The following NEO1 variants were observed in gnomAD, a reference collection of about 807,000 sequenced individuals.
NEO1 encodes neogenin.
A neutral mutation model predicts 159.7 loss-of-function variants in NEO1; 63 were observed. The ratio of observed to expected loss-of-function variants is 0.39; its 90% confidence interval spans 0.32 to 0.49. The LOEUF (loss-of-function observed/expected upper bound fraction) is 0.49, where lower values mean the gene tolerates loss of function less well. Ranked by LOEUF, NEO1 falls within the 20% of genes least tolerant of loss-of-function variation. The probability of loss-of-function intolerance (pLI) is 0.85; values close to 1 mark genes in which losing one functional copy is unlikely to be tolerated. For synonymous variants in NEO1, 633 were observed against 662.0 expected (o/e 0.96, Z 0.67); for missense variants, 1,615 against 1,831.0 (o/e 0.88, Z 2.15).
At chr15:73,195,784 AT>A (rs2036503451) in intron 7 of NEO1, among the ~76,000 whole-genome samples, 3 of 152,086 alleles carry the variant, frequency 2.0e-5, no homozygotes, top group Admixed American at 2.0e-4. Context: ...GTTCCTCTTC[AT>A]TTTACACTCT....
chr15:73,272,540 C>T lies in NEO1; in HGVS notation c.2943C>T (p.Ser981=), dbSNP rs1131854. ...KTIIVNWQPP[S]EANGKITGYI... is the part of the protein sequence containing the mutation. ...TAATTGTGAATTGGCAGCCTCCCTCCGAAGCCAATGGCAAAATTACAGGTA... is the reference window on the plus strand; with the variant it reads ...TAATTGTGAATTGGCAGCCTCCCTCTGAAGCCAATGGCAAAATTACAGGTA... The change falls in exon 19 of 29, where the codon TCC becomes TCT. Residue 981 remains serine, a synonymous_variant. Coordinates refer to ENST00000261908, the MANE Select transcript of NEO1 (RefSeq NM_002499.4). 805,085 of 1,610,558 alleles carry T rather than the reference C, an allele frequency of 0.5. 207,507 individuals carry two copies. Among genetic ancestry groups the T allele is most frequent in the Admixed American group, 0.55 (33,022 of 59,908 alleles).
At position 73,116,897 on chromosome 15, in the gene NEO1, T is replaced by A. The variant is rs762539816; in HGVS notation, c.448+40T>A. 4 of 1,431,136 alleles carry A rather than the reference T, an allele frequency of 2.8e-6. No individual in the cohort carries two copies. In the African/African-American group the frequency reaches 4.3e-5, roughly 15 times the overall value. The allele number at this position is 1,431,136 out of a possible 1,614,324, so 88.7% of individuals were successfully genotyped here. A position where few individuals can be genotyped will look rare whatever the true frequency, so the allele number is the denominator to read the frequency against. On this transcript the variant is annotated intron_variant, in intron 2 of 28. Transcript: ENST00000261908. ...ATTTTTTTTTTTGCATTTTCAAATATTTATAACATACATCTTGATAAAAGC... is the reference window on the plus strand; with the variant it reads ...ATTTTTTTTTTTGCATTTTCAAATAATTATAACATACATCTTGATAAAAGC...
intron 1 of NEO1, among the ~76,000 whole-genome samples, chr15:73,108,243 A>G (rs189375350): frequency 7.9e-5 from 12 of 152,320 alleles, no homozygotes. Flanking sequence ...TTTCCAAGTA[A>G]CTGGTTAGAA....
intron 1 of NEO1, among the ~76,000 whole-genome samples, chr15:73,054,808 A>G (rs1045995261): frequency 6.6e-5 from 10 of 152,218 alleles, no homozygotes; most frequent in Non-Finnish European, 1.5e-4. Flanking sequence ...TGCGGAAGAG[A>G]TCAAGAGACT....
Position 73,302,852 on chromosome 15 carries a change from G to C in NEO1, c.*156G>C. 1 of 634,426 alleles carries C rather than the reference G, an allele frequency of 1.6e-6. No individual in the cohort carries two copies. The highest frequency in any genetic ancestry group is 2.7e-6 in the Non-Finnish European group (1 of 366,990). The allele number at this position is 634,426 out of a possible 1,614,324, so 39.3% of individuals were successfully genotyped here. On this transcript the variant is annotated 3_prime_UTR_variant, in exon 29 of 29. Transcript: ENST00000261908. ...CGCCTCTGTGTAGGGCTGGCTCCAG[G>C]CATGGCCACCTGCCTTCCCCTGGTC...
intron 12 of NEO1, among the ~76,000 whole-genome samples, chr15:73,254,065 C>A (rs1381538367): frequency 6.6e-6 from 1 of 152,196 alleles, no homozygotes; most frequent in African/African-American, 2.4e-5. Context: ...GTGGCTCACG[C>A]CTGTAGTCCC....
chr15:73,134,581 T>A (rs931992444), intron 4 of NEO1, among the ~76,000 whole-genome samples: 14 of 152,106 alleles, frequency 9.2e-5, no homozygotes, highest in African/African-American at 3.1e-4. Context: ...GATGGAGTCT[T>A]GCTCTGTTGC....
At chr15:73,214,139 T>A (rs1262102271) in intron 7 of NEO1, among the ~76,000 whole-genome samples, 1 of 152,198 alleles carries the variant, frequency 6.6e-6, no homozygotes, top group Non-Finnish European at 1.5e-5. Flanking sequence ...TTGTTTAAAT[T>A]TTTTGTCGAT....
chr15:73,122,435 C>A, intron 2 of NEO1, 90 bp from the exon 3 acceptor site: 1 of 1,217,482 alleles, frequency 8.2e-7, no homozygotes, highest in Non-Finnish European at 1.1e-6. Flanking sequence ...ATGTTGTAGC[C>A]ATGTGAGCTG....
intron 5 of NEO1, among the ~76,000 whole-genome samples, chr15:73,148,263 T>G (rs554766430): frequency 5.3e-5 from 8 of 152,296 alleles, no homozygotes; most frequent in Non-Finnish European, 1.0e-4. Context: ...TCAGTAAGCT[T>G]CTTGTATTAA....
chr15:73,278,746 G>A (rs2041534925), intron 22 of NEO1, among the ~76,000 whole-genome samples: 1 of 152,164 alleles, frequency 6.6e-6, no homozygotes, highest in Non-Finnish European at 1.5e-5. Context: ...GGTGAAGCAG[G>A]GAGAACAGAT....
At chr15:73,099,565 T>C (rs1241652116) in intron 1 of NEO1, among the ~76,000 whole-genome samples, 1 of 152,242 alleles carries the variant, frequency 6.6e-6, no homozygotes, top group Non-Finnish European at 1.5e-5. Flanking sequence ...CCTTTGCTTA[T>C]GTTTAAATTG....
chr15:73,054,439 C>G (rs1014540746), intron 1 of NEO1, among the ~76,000 whole-genome samples: 2 of 152,196 alleles, frequency 1.3e-5, no homozygotes, highest in Non-Finnish European at 2.9e-5. Flanking sequence ...GGCATATGCT[C>G]TCTGCCTTCA....
intron 1 of NEO1, among the ~76,000 whole-genome samples, chr15:73,102,738 C>T (rs567335163): frequency 1.3e-5 from 2 of 152,216 alleles, no homozygotes; most frequent in South Asian, 4.2e-4. Context: ...AGAATTTGGT[C>T]CCCAGCTTTC....
chr15:73,247,288 C>G (rs547969899), intron 9 of NEO1, among the ~76,000 whole-genome samples: 1 of 152,134 alleles, frequency 6.6e-6, no homozygotes, highest in Non-Finnish European at 1.5e-5. Flanking sequence ...TTTCACAAAC[C>G]AACTTAACAT....
intron 5 of NEO1, among the ~76,000 whole-genome samples, chr15:73,154,803 T>G (rs897500906): frequency 6.6e-6 from 1 of 152,222 alleles, no homozygotes; most frequent in Non-Finnish European, 1.5e-5. Context: ...ATTCCACCAA[T>G]CTATATCTTT....
At chr15:73,135,433 T>C (rs540245388) in intron 4 of NEO1, among the ~76,000 whole-genome samples, 8 of 152,330 alleles carry the variant, frequency 5.3e-5, no homozygotes, top group Middle Eastern at 3.4e-3. Context: ...CCCCATGACT[T>C]ACTGTTTCGG....
chr15:73,200,759 C>T (rs1043972573), intron 7 of NEO1, among the ~76,000 whole-genome samples: 10 of 147,354 alleles, frequency 6.8e-5, no homozygotes, highest in African/African-American at 2.2e-4. Context: ...TCGGGGCTCA[C>T]GGCAGCCTCG....
At chr15:73,230,029 G>A (rs1229468508) in intron 7 of NEO1, among the ~76,000 whole-genome samples, 2 of 152,034 alleles carry the variant, frequency 1.3e-5, no homozygotes, top group East Asian at 3.9e-4. Flanking sequence ...TCTTTGTCGG[G>A]CTTTGATAAC....
Sources: allele counts gnomAD v4.1 joint callset (sites outside exome capture counted in the v4.1 genomes callset), GRCh38; gene constraint gnomAD v4.1.1; transcripts MANE v1.5; gene names NCBI Gene and HGNC (gene_info 2026-07-23, HGNC 2026-07-21).